The following DMRT1 variants were observed in gnomAD, a reference collection of about 807,000 sequenced individuals.
DMRT1 encodes doublesex and mab-3 related transcription factor 1.
Under a neutral mutation model 32.3 loss-of-function variants are expected in DMRT1, and 7 were observed. The ratio of observed to expected loss-of-function variants is 0.22; its 90% confidence interval spans 0.12 to 0.41. The LOEUF (loss-of-function observed/expected upper bound fraction) is 0.41. DMRT1 is among the 10% of genes least tolerant of loss of function. The probability of loss-of-function intolerance (pLI) is 1.00; values close to 1 mark genes in which losing one functional copy is unlikely to be tolerated. For missense variants in DMRT1, 625 were observed against 500.5 expected (o/e 1.25, Z -2.37); for synonymous variants, 278 against 206.1 (o/e 1.35, Z -2.99).
intron 2 of DMRT1, among the ~76,000 whole-genome samples, chr9:860,519 C>T (rs1178362588): frequency 6.6e-6 from 1 of 152,052 alleles, no homozygotes; most frequent in East Asian, 1.9e-4. Context: ...CATTCTATGG[C>T]TGCACTGAGC....
intron 3 of DMRT1, among the ~76,000 whole-genome samples, chr9:907,024 C>G (rs568111223): frequency 1.3e-5 from 2 of 152,242 alleles, no homozygotes; most frequent in Non-Finnish European, 2.9e-5. Flanking sequence ...TTTTCTTCCT[C>G]TGAAATTTGG....
intron 4 of DMRT1, among the ~76,000 whole-genome samples, chr9:955,474 G>T (rs946186893): frequency 3.3e-5 from 5 of 152,224 alleles, no homozygotes; most frequent in African/African-American, 1.2e-4. Context: ...GGAGGCTGAA[G>T]CAGGTGGATG....
At chr9:959,174 T>A (rs534433117) in intron 4 of DMRT1, among the ~76,000 whole-genome samples, 2 of 152,116 alleles carry the variant, frequency 1.3e-5, no homozygotes, top group Non-Finnish European at 2.9e-5. Context: ...GAGCATCTTC[T>A]TTGCCCAGCC....
At chr9:914,333 G>C (rs981498968) in intron 3 of DMRT1, among the ~76,000 whole-genome samples, 4 of 152,096 alleles carry the variant, frequency 2.6e-5, no homozygotes, top group African/African-American at 9.7e-5. Flanking sequence ...CCAGCACTTT[G>C]GGAGGCCGAG....
In DMRT1 at chr9:847,031, G is replaced by A. The variant is rs201368121; in HGVS notation, c.426G>A (p.Ala142=). ...GISHPIPLPS[A]AELLVKRENN... is the part of the protein sequence containing the mutation. ...GCCACCCCATCCCACTGCCCAGTGC[G>A]GCCGAGCTGCTTGTCAAAAGAGAGA... The change falls in exon 2 of 5, where the codon GCG becomes GCA. Residue 142 remains alanine, a synonymous_variant. Coordinates refer to ENST00000382276, the MANE Select transcript of DMRT1 (RefSeq NM_021951.3). 92 of 1,614,132 alleles carry A rather than the reference G, an allele frequency of 5.7e-5. 2 individuals are homozygous for A. In the Admixed American group the frequency reaches 8.0e-4, roughly 14 times the overall value.
At chr9:876,612 C>T (rs1261271942) in intron 2 of DMRT1, among the ~76,000 whole-genome samples, 2 of 151,552 alleles carry the variant, frequency 1.3e-5, no homozygotes, top group African/African-American at 4.9e-5. Flanking sequence ...CTGACTACAA[C>T]CCCCACCTCC....
chr9:923,523 C>G (rs144069967), intron 4 of DMRT1, among the ~76,000 whole-genome samples: 1 of 152,262 alleles, frequency 6.6e-6, no homozygotes, highest in East Asian at 1.9e-4. Context: ...TCAATAATCA[C>G]AAAATGCAGG....
At chr9:850,021 G>T (rs888761231) in intron 2 of DMRT1, among the ~76,000 whole-genome samples, 2 of 152,176 alleles carry the variant, frequency 1.3e-5, no homozygotes, top group African/African-American at 2.4e-5. Flanking sequence ...TTTCCTCCAT[G>T]TTGGTCAGGC....
chr9:914,059 T>G (rs1818084282), intron 3 of DMRT1, among the ~76,000 whole-genome samples: 1 of 152,160 alleles, frequency 6.6e-6, no homozygotes, highest in Non-Finnish European at 1.5e-5. Flanking sequence ...GCCATTCATA[T>G]GCGCATTGAG....
chr9:862,127 G>A lies in DMRT1; in HGVS notation c.538+14984G>A, dbSNP rs1313167904. ...CGGCTGGGCAGAGGCTGCAATCTCA[G>A]CACTTTGGGAGGCCAAGGCAGGCGG... On this transcript the variant is annotated intron_variant, in intron 2 of 4. Coordinates refer to ENST00000382276, the MANE Select transcript of DMRT1 (RefSeq NM_021951.3). Among the ~76,000 whole-genome samples the A allele has an allele frequency of 4.4e-5, 6 of 135,936 alleles. No individual in the cohort carries two copies. The South Asian group carries it at 7.4e-4, about 17-fold the overall frequency. The allele number at this position is 135,936 out of a possible 152,430, so 89.2% of individuals were successfully genotyped here. A position where few individuals can be genotyped will look rare whatever the true frequency, so the allele number is the denominator to read the frequency against.
chr9:917,871 A>G (rs1378173410), intron 4 of DMRT1, among the ~76,000 whole-genome samples: 1 of 152,218 alleles, frequency 6.6e-6, no homozygotes, highest in African/African-American at 2.4e-5. Flanking sequence ...AGGTCACGGG[A>G]GCCTATGTAG....
At chr9:863,923 G>T (rs115435785) in intron 2 of DMRT1, among the ~76,000 whole-genome samples, 90 of 152,184 alleles carry the variant, frequency 5.9e-4, no homozygotes, top group African/African-American at 2.1e-3. Flanking sequence ...CTTATTTATT[G>T]TGGAGATTGG....
intron 2 of DMRT1, among the ~76,000 whole-genome samples, chr9:883,532 C>T (rs1335480318): frequency 3.3e-5 from 5 of 151,780 alleles, no homozygotes; most frequent in Non-Finnish European, 5.9e-5. Flanking sequence ...CGACTCACAC[C>T]TGTAATTCCA....
intron 3 of DMRT1, among the ~76,000 whole-genome samples, chr9:896,264 AT>A (rs111767163): frequency 0.016 from 1,974 of 123,570 alleles, 39 homozygotes; most frequent in African/African-American, 0.053. Flanking sequence ...TTAAACTGAG[AT>A]TTTTTTTTTC....
chr9:844,700 T>A (rs1335204937), intron 1 of DMRT1, among the ~76,000 whole-genome samples: 2 of 151,008 alleles, frequency 1.3e-5, no homozygotes, highest in South Asian at 2.1e-4. Flanking sequence ...AAATTGTAGT[T>A]GTTTTTCTTT....
chr9:923,837 G>A (rs949577618), intron 4 of DMRT1, among the ~76,000 whole-genome samples: 1 of 152,146 alleles, frequency 6.6e-6, no homozygotes, highest in African/African-American at 2.4e-5. Flanking sequence ...ATTTAAACTT[G>A]ACATTTTAGA....
chr9:940,988 C>G (rs1390835376), intron 4 of DMRT1, among the ~76,000 whole-genome samples: 2 of 152,172 alleles, frequency 1.3e-5, no homozygotes, highest in Non-Finnish European at 2.9e-5. Flanking sequence ...CAATGAGATA[C>G]TGCCTCACAC....
rs3739583 is a variant in DMRT1, at chr9:841,971, T to A, written c.133T>A (p.Ser45Thr). ...SGALVGAASG[S>T]SAGGSSRGGG... is the part of the protein sequence containing the mutation. The stretch of plus-strand genomic sequence containing the variant: ...GGCGCTAGTGGGGGCGGCCAGCGGC[T>A]CGAGCGCCGGGGGCAGCAGCAGAGG... Residue 45 changes from serine to threonine, a missense_variant, in exon 1 of 5, where the codon TCG becomes ACG. This residue lies in a region of DMRT1 where 201 missense variants were observed against 152.0 expected (regional missense o/e 1.32). Transcript: ENST00000382276. 0.15 allele frequency: 242,894 copies of A among 1,583,340 alleles called. 22,373 individuals carry two copies. Among genetic ancestry groups the A allele is most frequent in the East Asian group, 0.48 (20,766 of 43,630 alleles).
chr9:919,390 G>A (rs1818283869), intron 4 of DMRT1, among the ~76,000 whole-genome samples: 1 of 141,812 alleles, frequency 7.1e-6, no homozygotes, highest in Admixed American at 7.2e-5. Flanking sequence ...CTATAAAGCT[G>A]GCAACATGAA....
Sources: gnomAD v4.1 joint callset for allele counts (sites outside exome capture counted in the v4.1 genomes callset) on GRCh38, gnomAD v4.1.1 for gene constraint, gnomAD v4.1.1 regional missense constraint, MANE v1.5 for transcripts, NCBI Gene and HGNC (gene_info 2026-07-23, HGNC 2026-07-21) for gene names.